Variants in FAAH2 observed in about 807,000 individuals in gnomAD.
FAAH2 encodes the protein fatty acid amide hydrolase 2.
A neutral mutation model predicts 36.9 loss-of-function variants in FAAH2; 60 were observed. The observed-to-expected ratio is 1.63, with a 90% CI of 1.32 to 2.02. FAAH2 has a LOEUF of 2.02. Ranked by LOEUF, FAAH2 falls within the 30% of genes most tolerant of loss-of-function variation. The pLI is 0.00. For synonymous variants in FAAH2, 214 were observed against 143.8 expected (o/e 1.49, Z -3.49); for missense variants, 689 against 397.5 (o/e 1.73, Z -6.23).
chrX:57,214,546 C>A, the FAAH2 span, among the ~76,000 whole-genome samples: 1 of 111,431 alleles, frequency 9.0e-6, no homozygotes, highest in South Asian at 3.8e-4. Context: ...CCTGCCTCAG[C>A]CTCCTGAGTA....
the FAAH2 span, among the ~76,000 whole-genome samples, chrX:57,244,177 G>A: frequency 8.3e-5 from 9 of 108,622 alleles, no homozygotes; most frequent in East Asian, 2.9e-4. Context: ...GAAATAAAGC[G>A]TGAAGACAAG....
At chrX:57,179,099 C>G in the FAAH2 span, among the ~76,000 whole-genome samples, 1 of 111,651 alleles carries the variant, frequency 9.0e-6, no homozygotes, top group Non-Finnish European at 1.9e-5. Flanking sequence ...CCAGACCTAC[C>G]TTGCAAGAGC....
chrX:57,423,996 A>G (rs1025278261), intron 7 of FAAH2, among the ~76,000 whole-genome samples: 13 of 111,338 alleles, frequency 1.2e-4, no homozygotes, highest in African/African-American at 3.6e-4. Context: ...ATAGCATAGC[A>G]CTCAGAAAGG....
chrX:57,325,087 T>C (rs1225413438), intron 3 of FAAH2, among the ~76,000 whole-genome samples: 6 of 112,358 alleles, frequency 5.3e-5, no homozygotes, highest in Non-Finnish European at 3.8e-5. Flanking sequence ...TCTGCATCTA[T>C]TGAGATAATC....
chrX:57,439,477 A>G (rs1242590965), intron 8 of FAAH2, among the ~76,000 whole-genome samples: 1 of 111,098 alleles, frequency 9.0e-6, no homozygotes, highest in African/African-American at 3.3e-5. Flanking sequence ...AATTTGTTGG[A>G]GTCCATTGTA....
chrX:57,123,069 T>C, the FAAH2 span, among the ~76,000 whole-genome samples: 1 of 111,397 alleles, frequency 9.0e-6, no homozygotes, highest in Non-Finnish European at 1.9e-5. Flanking sequence ...TAGTTACATG[T>C]GTATACGTGT....
At chrX:57,444,272 C>T in intron 8 of FAAH2, among the ~76,000 whole-genome samples, 1 of 112,101 alleles carries the variant, frequency 8.9e-6, no homozygotes, top group Non-Finnish European at 1.9e-5. Context: ...TTTAGCTTAC[C>T]AGCCGTTTTG....
intron 10 of FAAH2, among the ~76,000 whole-genome samples, chrX:57,471,283 T>G (rs1602781243): frequency 1.8e-5 from 2 of 111,433 alleles, no homozygotes; most frequent in African/African-American, 6.5e-5. Flanking sequence ...GGGTATTCAA[T>G]TAGGAAAAGA....
chrX:57,234,072 A>G, the FAAH2 span, among the ~76,000 whole-genome samples: 4 of 113,103 alleles, frequency 3.5e-5, no homozygotes, highest in African/African-American at 1.3e-4. Flanking sequence ...GCATATTTAA[A>G]AGATATTTGT....
chrX:57,282,700 G>T (rs1414880464), upstream of FAAH2, among the ~76,000 whole-genome samples: 1 of 112,036 alleles, frequency 8.9e-6, no homozygotes, highest in Non-Finnish European at 1.9e-5. Flanking sequence ...TATTTTCGGT[G>T]TTGAAATTTG....
chrX:57,445,449 G>T (rs749024644), intron 8 of FAAH2, among the ~76,000 whole-genome samples: 3 of 111,469 alleles, frequency 2.7e-5, no homozygotes, highest in Non-Finnish European at 5.6e-5. Flanking sequence ...TAAACATTAA[G>T]CTAGCACAGT....
At chrX:57,204,358 C>A in the FAAH2 span, among the ~76,000 whole-genome samples, 10 of 111,059 alleles carry the variant, frequency 9.0e-5, no homozygotes, top group Non-Finnish European at 1.7e-4. Context: ...GATAAATATA[C>A]CCAATAAGTA....
chrX:57,156,143 G>A, the FAAH2 span, among the ~76,000 whole-genome samples: 1 of 111,591 alleles, frequency 9.0e-6, no homozygotes, highest in African/African-American at 3.3e-5. Context: ...TCTTTCTTCT[G>A]TTTGATCAAC....
intron 7 of FAAH2, among the ~76,000 whole-genome samples, chrX:57,412,286 A>G (rs1027394302): frequency 9.0e-6 from 1 of 111,585 alleles, no homozygotes; most frequent in African/African-American, 3.3e-5. Flanking sequence ...GGTTTGTTAC[A>G]TAGGTATACA....
upstream of FAAH2, among the ~76,000 whole-genome samples, chrX:57,283,570 C>A (rs2051773812): frequency 9.0e-6 from 1 of 111,432 alleles, no homozygotes; most frequent in Non-Finnish European, 1.9e-5. Context: ...AGCCCCTCCC[C>A]CAGGGAAATA....
intron 4 of FAAH2, among the ~76,000 whole-genome samples, chrX:57,332,069 G>A (rs150691473): frequency 2.7e-5 from 3 of 111,880 alleles, no homozygotes; most frequent in African/African-American, 6.5e-5. Context: ...AGGAAACATC[G>A]TAAAGTGTTT....
At chrX:57,250,162 T>C in the FAAH2 span, among the ~76,000 whole-genome samples, 1 of 112,218 alleles carries the variant, frequency 8.9e-6, no homozygotes, top group Non-Finnish European at 1.9e-5. Context: ...GCAATAATTG[T>C]GAGCAATTTA....
the FAAH2 span, among the ~76,000 whole-genome samples, chrX:57,268,890 A>G: frequency 8.9e-6 from 1 of 111,825 alleles, no homozygotes; most frequent in Non-Finnish European, 1.9e-5. Flanking sequence ...ACACATATCA[A>G]TACTGATTTT....
chrX:57,308,262 A>T (rs1162769206), intron 2 of FAAH2, among the ~76,000 whole-genome samples: 1 of 111,560 alleles, frequency 9.0e-6, no homozygotes, highest in Admixed American at 9.6e-5. Context: ...TCCCATCAAC[A>T]TTCCCTTTTC....
Sources: allele counts gnomAD v4.1 joint callset (sites outside exome capture counted in the v4.1 genomes callset), GRCh38; gene constraint gnomAD v4.1.1; transcripts MANE v1.5; gene names NCBI Gene and HGNC (gene_info 2026-07-23, HGNC 2026-07-21).